Variants in LRRC4C observed in about 807,000 individuals in gnomAD.
LRRC4C encodes leucine-rich repeat-containing protein 4C.
LRRC4C carries 5 observed loss-of-function variants against 33.6 expected under a neutral mutation model. The observed-to-expected ratio is 0.15, with a 90% CI of 0.08 to 0.31. The LOEUF (loss-of-function observed/expected upper bound fraction) is 0.31. Among genes scored for constraint, LRRC4C ranks in the 10% least tolerant of loss-of-function variants. LRRC4C has a pLI of 1.00. For missense variants in LRRC4C, 560 were observed against 796.7 expected (o/e 0.70, Z 3.58); for synonymous variants, 329 against 302.0 (o/e 1.09, Z -0.93).
intron 3 of LRRC4C, among the ~76,000 whole-genome samples, chr11:40,596,703 C>A (rs1464314773): frequency 6.6e-6 from 1 of 152,016 alleles, no homozygotes; most frequent in Admixed American, 6.6e-5. Context: ...TGACTAAGAT[C>A]ATGTGAAATT....
At chr11:41,079,953 T>C (rs568206547) in intron 1 of LRRC4C, among the ~76,000 whole-genome samples, 1 of 152,260 alleles carries the variant, frequency 6.6e-6, no homozygotes, top group Admixed American at 6.5e-5. Flanking sequence ...TTCTACTGTA[T>C]TTATGTCCAT....
chr11:41,319,690 A>G (rs1242467989), intron 1 of LRRC4C, among the ~76,000 whole-genome samples: 1 of 152,110 alleles, frequency 6.6e-6, no homozygotes, highest in Non-Finnish European at 1.5e-5. Flanking sequence ...AACTAGAACT[A>G]CAGGTGCACA....
chr11:40,490,454 G>T (rs1484711725), intron 3 of LRRC4C, among the ~76,000 whole-genome samples: 2 of 152,104 alleles, frequency 1.3e-5, no homozygotes, highest in South Asian at 2.1e-4. Flanking sequence ...CCTGTTGTAT[G>T]CATCTCCTTC....
chr11:40,243,616 C>A, intron 4 of LRRC4C, among the ~76,000 whole-genome samples: 1 of 149,962 alleles, frequency 6.7e-6, no homozygotes, highest in Middle Eastern at 3.5e-3. Flanking sequence ...TTTAATTGAT[C>A]ACTTAAATTT....
intron 3 of LRRC4C, among the ~76,000 whole-genome samples, chr11:40,382,749 A>G (rs1267418352): frequency 8.1e-6 from 1 of 123,390 alleles, no homozygotes; most frequent in Admixed American, 1.1e-4. Flanking sequence ...GCTGGATTTC[A>G]GTGGCTCGAT....
chr11:41,148,824 A>G (rs1943850071), intron 1 of LRRC4C, among the ~76,000 whole-genome samples: 1 of 152,126 alleles, frequency 6.6e-6, no homozygotes, highest in Admixed American at 6.5e-5. Flanking sequence ...TGTAGGAATA[A>G]ATGAAAAATT....
intron 4 of LRRC4C, chr11:40,293,501 C>G (rs1944342632): frequency 1.3e-5 from 2 of 151,586 alleles, no homozygotes; most frequent in Admixed American, 1.3e-4. Context: ...GCTCCGGGAG[C>G]GCCGAGGTGA....
intron 5 of LRRC4C, among the ~76,000 whole-genome samples, chr11:40,176,333 T>C (rs1202466447): frequency 6.6e-6 from 1 of 152,098 alleles, no homozygotes; most frequent in Non-Finnish European, 1.5e-5. Flanking sequence ...GCTTATTGAG[T>C]GCAGGGATGA....
chr11:40,212,420 A>G (rs1455013306), intron 5 of LRRC4C, among the ~76,000 whole-genome samples: 4 of 152,022 alleles, frequency 2.6e-5, no homozygotes, highest in African/African-American at 7.2e-5. Context: ...AGTAGTATGT[A>G]AAAACACACA....
chr11:40,856,445 A>G (rs1213840306), intron 2 of LRRC4C, among the ~76,000 whole-genome samples: 1 of 152,214 alleles, frequency 6.6e-6, no homozygotes, highest in African/African-American at 2.4e-5. Context: ...CATTTTTCCT[A>G]TGTTCAGAAG....
chr11:40,404,629 C>T (rs1445642530), intron 3 of LRRC4C, among the ~76,000 whole-genome samples: 1 of 152,058 alleles, frequency 6.6e-6, no homozygotes, highest in African/African-American at 2.4e-5. Flanking sequence ...AGCCTCCCAT[C>T]TGGTAGCCCT....
At chr11:40,931,892 G>A (rs1957644056) in intron 2 of LRRC4C, among the ~76,000 whole-genome samples, 2 of 151,962 alleles carry the variant, frequency 1.3e-5, no homozygotes, top group African/African-American at 2.4e-5. Context: ...AAAGTTGTCC[G>A]AGTAATGTCA....
chr11:40,540,367 G>T (rs1383943291), intron 3 of LRRC4C, among the ~76,000 whole-genome samples: 1 of 152,104 alleles, frequency 6.6e-6, no homozygotes, highest in African/African-American at 2.4e-5. Context: ...AGGTCTGTCT[G>T]TTTTCCCCTA....
At chr11:41,149,573 T>A (rs1449964444) in intron 1 of LRRC4C, among the ~76,000 whole-genome samples, 1 of 151,158 alleles carries the variant, frequency 6.6e-6, no homozygotes, top group African/African-American at 2.4e-5. Context: ...AGTATAGCAT[T>A]GGGAAAGGCA....
At chr11:40,769,214 G>T (rs561910387) in intron 2 of LRRC4C, among the ~76,000 whole-genome samples, 14 of 152,104 alleles carry the variant, frequency 9.2e-5, no homozygotes, top group African/African-American at 3.4e-4. Context: ...AATCAAGAAA[G>T]TATTCTCATT....
At position 40,224,759 on chromosome 11, in the gene LRRC4C, A is replaced by G. The variant is rs189786830; in HGVS notation, c.-96+16760T>C. 5.3e-5 allele frequency among the ~76,000 whole-genome samples: 8 copies of G among 152,352 alleles called. No individual in the cohort carries two copies. In the East Asian group the frequency reaches 1.5e-3, roughly 29 times the overall value. On this transcript the variant is annotated intron_variant, in intron 5 of 6. Coordinates refer to ENST00000528697, the MANE Select transcript of LRRC4C (RefSeq NM_001258419.2). ...TGTGACAAAAATAGGCACTGAATAA[A>G]TTAATGTTATTCTTAATTGGAGTCA... is the stretch of plus-strand genomic sequence containing the variant.
At chr11:41,224,733 G>C (rs1947455596) in intron 1 of LRRC4C, among the ~76,000 whole-genome samples, 2 of 152,168 alleles carry the variant, frequency 1.3e-5, no homozygotes, top group Non-Finnish European at 2.9e-5. Context: ...TGGATTCTAT[G>C]TGGGATTAAC....
intron 2 of LRRC4C, among the ~76,000 whole-genome samples, chr11:40,680,863 T>TTATAGAAAGAA (rs1213905010): frequency 3.9e-5 from 6 of 152,196 alleles, no homozygotes; most frequent in African/African-American, 1.2e-4. Context: ...CATGCAATCA[T>TTATAGAAAGAA]TATAGAAAGA....
intron 1 of LRRC4C, among the ~76,000 whole-genome samples, chr11:41,290,442 T>G (rs140865027): frequency 6.3e-4 from 96 of 152,304 alleles, no homozygotes; most frequent in African/African-American, 2.2e-3. Flanking sequence ...GGGTCTCTGA[T>G]GGGGGCCTCC....
Sources: gnomAD v4.1 joint callset for allele counts (sites outside exome capture counted in the v4.1 genomes callset) on GRCh38, gnomAD v4.1.1 for gene constraint, MANE v1.5 for transcripts, NCBI Gene and HGNC (gene_info 2026-07-23, HGNC 2026-07-21) for gene names.